ADGRB3: variants seen among roughly 807,000 people sequenced by gnomAD.
ADGRB3 encodes brain-specific angiogenesis inhibitor 3.
ADGRB3 carries 37 observed loss-of-function variants against 193.4 expected under a neutral mutation model. The observed-to-expected ratio is 0.19, with a 90% CI of 0.15 to 0.25. The LOEUF (loss-of-function observed/expected upper bound fraction) is 0.25, where lower values mean the gene tolerates loss of function less well. Ranked by LOEUF, ADGRB3 falls within the 10% of genes least tolerant of loss-of-function variation. The pLI is 1.00. For synonymous variants in ADGRB3, 690 were observed against 644.2 expected, an observed-to-expected ratio of 1.07 and a Z score of -1.08; for missense variants, 1,637 against 1,852.9, an observed-to-expected ratio of 0.88 and a Z score of 2.14.
chr6:69,091,011 T>G (rs1421010505), intron 17 of ADGRB3, among the ~76,000 whole-genome samples: 4 of 152,164 alleles, frequency 2.6e-5, no homozygotes, highest in Non-Finnish European at 5.9e-5. Context: ...TAAAAAGACA[T>G]ACATGCAGCC....
chr6:69,086,928 A>T (rs1772567013), intron 17 of ADGRB3, among the ~76,000 whole-genome samples: 1 of 152,050 alleles, frequency 6.6e-6, no homozygotes, highest in South Asian at 2.1e-4. Flanking sequence ...GTGTGTGGAT[A>T]TCTGTGTGCT....
At chr6:69,048,460 A>C in intron 14 of ADGRB3, 126 bp downstream of exon 14, 1 of 1,001,286 alleles carries the variant, frequency 1.0e-6, no homozygotes, top group Middle Eastern at 2.5e-4. Flanking sequence ...ATTTTAAACT[A>C]ATTTTCTAAA....
chr6:69,311,712 T>C (rs764811290), intron 20 of ADGRB3, among the ~76,000 whole-genome samples: 2 of 151,728 alleles, frequency 1.3e-5, no homozygotes, highest in African/African-American at 2.4e-5. Flanking sequence ...CTGTTTCAAA[T>C]CAAGAGGGGA....
chr6:69,336,915 T>A lies in ADGRB3; in HGVS notation c.3189-2001T>A, dbSNP rs1014987102. Among the ~76,000 whole-genome samples the A allele has an allele frequency of 2.0e-5, 3 of 152,208 alleles. No individual in the cohort carries two copies. The East Asian group carries it at 5.8e-4, about 29-fold the overall frequency. Reference sequence around the variant, plus strand: ...TTATCTTTATTCTACTTCATGCACATCCAGTAATAGAATGCCAAAGGTGTC... The same window carrying A: ...TTATCTTTATTCTACTTCATGCACAACCAGTAATAGAATGCCAAAGGTGTC... On this transcript the variant is annotated intron_variant, in intron 24 of 31. Coordinates refer to ENST00000370598, the MANE Select transcript of ADGRB3 (RefSeq NM_001704.3).
rs946483766 is a variant in ADGRB3 at position 68,917,973 on chromosome 6, T to C, written c.758-12586T>C. ...AATATAACTTATTTTAAGTCAATTG[T>C]ATCCCCACTAGGAGGATATACTCTT... On this transcript the variant is annotated intron_variant, in intron 3 of 31. Transcript: ENST00000370598. Among the ~76,000 whole-genome samples the C allele has an allele frequency of 5.9e-5, 9 of 152,336 alleles. 2 individuals carry two copies. Among genetic ancestry groups the C allele is most frequent in the Admixed American group, 2.0e-4 (3 of 15,294 alleles).
chr6:68,979,202 G>A (rs1345729860), intron 10 of ADGRB3, among the ~76,000 whole-genome samples: 1 of 151,150 alleles, frequency 6.6e-6, no homozygotes, highest in African/African-American at 2.4e-5. Context: ...TTTGAGTAAA[G>A]CACGACTTTG....
chr6:68,951,852 G>A (rs138518034), intron 6 of ADGRB3, among the ~76,000 whole-genome samples: 1 of 152,062 alleles, frequency 6.6e-6, no homozygotes, highest in Middle Eastern at 3.2e-3. Flanking sequence ...CTACTACCTC[G>A]CTGCTGAGCC....
chr6:69,201,363 A>G (rs929805412), intron 17 of ADGRB3, among the ~76,000 whole-genome samples: 3 of 151,734 alleles, frequency 2.0e-5, no homozygotes, highest in Admixed American at 2.0e-4. Flanking sequence ...TTCTTCCTGA[A>G]CTTCTTTCTG....
intron 3 of ADGRB3, among the ~76,000 whole-genome samples, chr6:68,735,105 A>G (rs954878912): frequency 2.0e-5 from 3 of 152,030 alleles, no homozygotes; most frequent in African/African-American, 4.8e-5. Flanking sequence ...TTCTACATAT[A>G]TAAATATGTA....
chr6:68,919,424 CT>C (rs1263857590), intron 3 of ADGRB3, among the ~76,000 whole-genome samples: 1 of 152,030 alleles, frequency 6.6e-6, no homozygotes, highest in Non-Finnish European at 1.5e-5. Flanking sequence ...TTATGAGGCA[CT>C]TAGTGTAGGT....
intron 10 of ADGRB3, among the ~76,000 whole-genome samples, chr6:68,980,965 G>A (rs1322871518): frequency 6.6e-6 from 1 of 151,422 alleles, no homozygotes; most frequent in Non-Finnish European, 1.5e-5. Flanking sequence ...CCAGACCGTA[G>A]TACACATTCA....
intron 8 of ADGRB3, among the ~76,000 whole-genome samples, chr6:68,961,758 T>C (rs1299017456): frequency 6.6e-6 from 1 of 152,214 alleles, no homozygotes; most frequent in African/African-American, 2.4e-5. Flanking sequence ...AATTGACACC[T>C]GCTTTACCTT....
Position 68,989,343 on chromosome 6 carries a change from A to G in ADGRB3, c.1735-4425A>G, listed in dbSNP as rs999971515. The stretch of plus-strand genomic sequence containing the variant: ...ATGAAAAACTTTAAACAGAACTTCT[A>G]TAAGTAAAATATTGTCATTGAAATT... On this transcript the variant is annotated intron_variant, in intron 10 of 31. Transcript: ENST00000370598. Among the ~76,000 whole-genome samples the G allele has an allele frequency of 2.0e-5, 3 of 152,300 alleles. No homozygotes were observed. The East Asian group carries it at 5.8e-4, about 29-fold the overall frequency.
intron 5 of ADGRB3, among the ~76,000 whole-genome samples, chr6:68,942,012 C>A (rs916437347): frequency 6.6e-6 from 1 of 151,134 alleles, no homozygotes; most frequent in Non-Finnish European, 1.5e-5. Context: ...TTTTTTGTCA[C>A]CCTCTTTTTT....
At chr6:69,080,467 G>A (rs1485779032) in intron 17 of ADGRB3, among the ~76,000 whole-genome samples, 2 of 151,892 alleles carry the variant, frequency 1.3e-5, no homozygotes, top group Non-Finnish European at 2.9e-5. Flanking sequence ...CTTCTTATAA[G>A]TATGATACAG....
At chr6:69,000,600 C>T (rs1459218414) in intron 11 of ADGRB3, among the ~76,000 whole-genome samples, 1 of 151,962 alleles carries the variant, frequency 6.6e-6, no homozygotes, top group East Asian at 1.9e-4. Flanking sequence ...AACAAAAAGC[C>T]CCAAAAGTAT....
At chr6:68,665,256 A>T (rs1407656225) in intron 3 of ADGRB3, among the ~76,000 whole-genome samples, 2 of 151,590 alleles carry the variant, frequency 1.3e-5, no homozygotes, top group Non-Finnish European at 2.9e-5. Context: ...GGTATTTTGT[A>T]GGTTCTGTAG....
rs981667807 is a variant in ADGRB3, at chr6:68,837,769, A to G, written c.758-92790A>G. Among the ~76,000 whole-genome samples the G allele has an allele frequency of 2.0e-5, 3 of 152,326 alleles. No homozygotes were observed. The South Asian group carries it at 6.2e-4, about 32-fold the overall frequency. ...GCTATTTCATGGTTTCTGAAGGCCA[A>G]GATTCCCTCTGAGTGGATTTATCGT... On this transcript the variant is annotated intron_variant, in intron 3 of 31. Coordinates refer to ENST00000370598, the MANE Select transcript of ADGRB3 (RefSeq NM_001704.3).
chr6:69,004,622 T>C (rs566373571), intron 11 of ADGRB3, among the ~76,000 whole-genome samples: 17 of 145,068 alleles, frequency 1.2e-4, no homozygotes, highest in African/African-American at 3.8e-4. Context: ...GTCCAAGTGT[T>C]CTCATTGTTC....
Sources: gnomAD v4.1 joint callset for allele counts (sites outside exome capture counted in the v4.1 genomes callset) on GRCh38, gnomAD v4.1.1 for gene constraint, MANE v1.5 for transcripts, NCBI Gene and HGNC (gene_info 2026-07-23, HGNC 2026-07-21) for gene names.